The following ATMIN variants were observed in gnomAD, a reference collection of about 807,000 sequenced individuals.
ATMIN encodes ATM interactor.
ATMIN carries 24 observed loss-of-function variants against 49.2 expected under a neutral mutation model. That is an observed-to-expected ratio of 0.49 (90% CI 0.35 to 0.69). ATMIN has a LOEUF of 0.69. Among genes scored for constraint, ATMIN ranks in the 30% least tolerant of loss-of-function variants. The probability of loss-of-function intolerance (pLI) is 0.00; values close to 1 mark genes in which losing one functional copy is unlikely to be tolerated. For missense variants in ATMIN, 1,037 were observed against 1,005.5 expected (o/e 1.03, Z -0.42); for synonymous variants, 450 against 392.5 (o/e 1.15, Z -1.73).
At chr16:81,040,605 G>A (rs1007060852) in intron 1 of ATMIN, 1 of 152,128 alleles carries the variant, frequency 6.6e-6, no homozygotes, top group African/African-American at 2.4e-5. Context: ...GTAAAGGTGT[G>A]GGGGGCATTA....
Position 81,041,491 on chromosome 16 carries a change from ACTCTG to A in ATMIN, c.462+11_462+15del, listed in dbSNP as rs1357564349. Reference sequence around the variant, plus strand: ...TTCTCTCGTAAAACAGGTACTCTCTACTCTGAGGATGAGATACAGATGCTAAAAAC... The same window carrying A: ...TTCTCTCGTAAAACAGGTACTCTCTAAGGATGAGATACAGATGCTAAAAAC... On this transcript the variant is annotated intron_variant, in intron 2 of 3. Coordinates refer to ENST00000299575, the MANE Select transcript of ATMIN (RefSeq NM_015251.3). 1 of 1,595,670 alleles carries A rather than the reference ACTCTG, an allele frequency of 6.3e-7. No individual in the cohort carries two copies. The highest frequency in any genetic ancestry group is 1.9e-5 in the Admixed American group (1 of 53,670).
At position 81,036,091 on chromosome 16, in the gene ATMIN, G is replaced by T; in HGVS notation, c.221G>T (p.Ser74Ile). The change falls in exon 1 of 4, where the codon AGC becomes ATC. Residue 74 changes from serine (S) to isoleucine (I), a missense_variant. Ser to Ile is a moderately radical substitution (Grantham distance 142). Coordinates refer to ENST00000299575, the MANE Select transcript of ATMIN (RefSeq NM_015251.3). ...PAGELIQPSVSELSRAVRTNI... is the reference protein window; with the variant it reads ...PAGELIQPSVIELSRAVRTNI... ...GGGGAGCTGATCCAGCCGTCGGTGA[G>T]CGAGCTGTCCCGGGCCGTGCGGACC... is the stretch of plus-strand genomic sequence containing the variant. 7.4e-7 allele frequency: 1 copy of T among 1,357,206 alleles called. No individual in the cohort carries two copies. 84.1% of individuals were successfully genotyped at this position (1,357,206 alleles called of 1,614,324 possible). A position where few individuals can be genotyped will look rare whatever the true frequency, so the allele number is the denominator to read the frequency against.
At chr16:81,042,823 A>G (rs2151740103) in intron 3 of ATMIN, among the ~76,000 whole-genome samples, 1 of 152,322 alleles carries the variant, frequency 6.6e-6, no homozygotes, top group Admixed American at 6.5e-5. Context: ...TAAAGGTCAA[A>G]TTTTCATTTA....
chr16:81,039,429 C>T (rs1031744936), intron 1 of ATMIN, among the ~76,000 whole-genome samples: 17 of 152,284 alleles, frequency 1.1e-4, no homozygotes, highest in African/African-American at 3.8e-4. Context: ...ACCAAATCTT[C>T]CCTTCTTAAC....
intron 1 of ATMIN, among the ~76,000 whole-genome samples, chr16:81,037,669 T>TC: frequency 6.6e-6 from 1 of 152,364 alleles, no homozygotes; most frequent in Admixed American, 6.5e-5. Context: ...AGAGTCTCAC[T>TC]CCATCACCCA....
In ATMIN at chr16:81,045,113, T is replaced by C. The variant is rs1445159975; in HGVS notation, c.*143T>C. 5 of 1,141,744 alleles carry C rather than the reference T, an allele frequency of 4.4e-6. No individual in the cohort carries two copies. The highest frequency in any genetic ancestry group is 6.0e-6 in the Non-Finnish European group (5 of 826,586). The allele number at this position is 1,141,744 out of a possible 1,614,324, so 70.7% of individuals were successfully genotyped here. A position where few individuals can be genotyped will look rare whatever the true frequency, so the allele number is the denominator to read the frequency against. On this transcript the variant is annotated 3_prime_UTR_variant, in exon 4 of 4. Transcript: ENST00000299575. ...CTTCTTTGTGTTTCTTTGCCTTTTG[T>C]ACTTGTAAACAGAAATTTGCGTATA...
At position 81,043,980 on chromosome 16, in the gene ATMIN, A is replaced by G; in HGVS notation, c.1482A>G (p.Gln494=). Residue 494 remains glutamine, a synonymous_variant, in exon 4 of 4, where the codon CAA becomes CAG. Transcript: ENST00000299575. ...FQSGGVSRET[Q]TSGIESPTDD... is the part of the protein sequence containing the mutation. ...CAGGTGGGGTCTCCAGAGAAACTCA[A>G]ACCAGTGGGATAGAAAGTCCAACGG... The G allele has an allele frequency of 2.5e-6, 4 of 1,614,196 alleles. No individual in the cohort carries two copies. The highest frequency in any genetic ancestry group is 1.1e-5 in the South Asian group (1 of 91,086).
At position 81,044,689 on chromosome 16, in the gene ATMIN, G is replaced by T; in HGVS notation, c.2191G>T (p.Val731Leu). 1 of 1,614,120 alleles carries T rather than the reference G, an allele frequency of 6.2e-7. No homozygotes were observed. The highest frequency in any genetic ancestry group is 8.5e-7 in the Non-Finnish European group (1 of 1,180,040). ...TATTCTGAAACACTCCAGCTTTTCC[G>T]TGAGTACTGATTCATCTGACACAGA... ...GSILKHSSFS[V>L]STDSSDTETQ... is the part of the protein sequence containing the mutation. The change falls in exon 4 of 4, where the codon GTG (valine) becomes TTG (leucine). Residue 731 changes from valine (V) to leucine (L), a missense_variant. Transcript: ENST00000299575.
rs80348569 is a variant in ATMIN, at chr16:81,036,917, A to G, written c.336+711A>G. On this transcript the variant is annotated intron_variant, in intron 1 of 3. Coordinates refer to ENST00000299575, the MANE Select transcript of ATMIN (RefSeq NM_015251.3). ...GGTAGGTTTGCCTCTAAACACCATC[A>G]GTCAGTTTCACGGTGTTGGTAAGAT... Among the ~76,000 whole-genome samples the G allele has an allele frequency of 0.019, 2,934 of 152,316 alleles. 168 individuals are homozygous for G. The East Asian group carries it at 0.2, about 10-fold the overall frequency.
rs200740791 is a variant in ATMIN, at chr16:81,042,328, C to T, written c.510C>T (p.Cys170=). Reference sequence around the variant, plus strand: ...AGAAGAAGCACAAATGTAGTAAGTGCAGCAATTCGTACGGTACAGAATGGG... The same window carrying T: ...AGAAGAAGCACAAATGTAGTAAGTGTAGCAATTCGTACGGTACAGAATGGG... ...HAEKKHKCSK[C]SNSYGTEWDL... The change falls in exon 3 of 4, where the codon TGC becomes TGT. Residue 170 remains cysteine (C), a synonymous_variant. Coordinates refer to ENST00000299575, the MANE Select transcript of ATMIN (RefSeq NM_015251.3). 1.5e-5 allele frequency: 25 copies of T among 1,613,896 alleles called. No homozygotes were observed. The Admixed American group carries it at 2.0e-4, about 13-fold the overall frequency.
chr16:81,039,174 G>A (rs1970997978), intron 1 of ATMIN, among the ~76,000 whole-genome samples: 1 of 152,158 alleles, frequency 6.6e-6, no homozygotes, highest in East Asian at 1.9e-4. Flanking sequence ...GAGGAAGGCT[G>A]GCTGGGAAGC....
Position 81,043,260 on chromosome 16 carries a change from A to G in ATMIN, c.762A>G (p.Arg254=). ...IESLNNQPIP[R]PDTQELEASE... Reference sequence around the variant, plus strand: ...CATTGAACAACCAACCAATCCCTAGACCAGACACTCAAGAACTAGAAGCTT... The same window carrying G: ...CATTGAACAACCAACCAATCCCTAGGCCAGACACTCAAGAACTAGAAGCTT... The change falls in exon 4 of 4, where the codon AGA becomes AGG. Residue 254 remains arginine, a synonymous_variant. Coordinates refer to ENST00000299575, the MANE Select transcript of ATMIN (RefSeq NM_015251.3). 6.2e-7 allele frequency: 1 copy of G among 1,614,172 alleles called. No individual in the cohort carries two copies. The highest frequency in any genetic ancestry group is 8.5e-7 in the Non-Finnish European group (1 of 1,180,030).
At position 81,035,860 on chromosome 16, in the gene ATMIN, G is replaced by A. The variant is rs1031750485; in HGVS notation, c.-11G>A. On this transcript the variant is annotated 5_prime_UTR_variant, in exon 1 of 4. In the 5' UTR this introduces an upstream ATG that the reference lacks. Coordinates refer to ENST00000299575, the MANE Select transcript of ATMIN (RefSeq NM_015251.3). ...GGCCTACGAACTGGGCCGGGCGGCCGTGCGGGAGCCATGGCGGCCTCGGAG... is the reference window on the plus strand; with the variant it reads ...GGCCTACGAACTGGGCCGGGCGGCCATGCGGGAGCCATGGCGGCCTCGGAG... 2.2e-5 allele frequency: 19 copies of A among 856,486 alleles called. No individual in the cohort carries two copies. The highest frequency in any genetic ancestry group is 2.2e-5 in the Non-Finnish European group (16 of 713,536). The allele number at this position is 856,486 out of a possible 1,614,324, so 53.1% of individuals were successfully genotyped here.
intron 1 of ATMIN, chr16:81,037,351 T>C: frequency 1.0e-6 from 1 of 985,390 alleles, no homozygotes; most frequent in Non-Finnish European, 1.2e-6. Flanking sequence ...AACTCTGAGG[T>C]TGTAGTCTCT....
chr16:81,045,183 T>A lies in ATMIN; in HGVS notation c.*213T>A. 1.7e-6 allele frequency: 1 copy of A among 605,118 alleles called. No individual in the cohort carries two copies. 37.5% of individuals were successfully genotyped at this position (605,118 alleles called of 1,614,324 possible). ...GTTTGAGATGTTGATCTAAATTGTT[T>A]TTGTGTTGCCTACATTTGCCTTTTC... On this transcript the variant is annotated 3_prime_UTR_variant, in exon 4 of 4. Transcript: ENST00000299575.
Position 81,042,995 on chromosome 16 carries a change from A to T in ATMIN, c.663-166A>T, listed in dbSNP as rs188146115. Reference sequence around the variant, plus strand: ...ATGTTTCTCAAAGTTCACCTGCTATAATAGGACCAACTCCCAGAGTTGCGA... The same window carrying T: ...ATGTTTCTCAAAGTTCACCTGCTATTATAGGACCAACTCCCAGAGTTGCGA... On this transcript the variant is annotated intron_variant, in intron 3 of 3. Transcript: ENST00000299575. 1.9e-4 allele frequency among the ~76,000 whole-genome samples: 29 copies of T among 152,280 alleles called. No homozygotes were observed. The East Asian group carries it at 4.6e-3, about 24-fold the overall frequency.
rs1331418958 is a variant in ATMIN, at chr16:81,047,019, G to A, written c.*2049G>A. 1 of 152,550 alleles carries A rather than the reference G, an allele frequency of 6.6e-6. No homozygotes were observed. Among genetic ancestry groups the A allele is most frequent in the Non-Finnish European group, 1.5e-5 (1 of 68,032 alleles). 9.4% of individuals were successfully genotyped at this position (152,550 alleles called of 1,614,324 possible). A position where few individuals can be genotyped will look rare whatever the true frequency, so the allele number is the denominator to read the frequency against. On this transcript the variant is annotated 3_prime_UTR_variant, in exon 4 of 4. Coordinates refer to ENST00000299575, the MANE Select transcript of ATMIN (RefSeq NM_015251.3). The stretch of plus-strand genomic sequence containing the variant: ...AGCATCTATTTAAGTCCTAATAAAG[G>A]AGAAATGCATGTTTATGGCTTTTTT...
chr16:81,042,140 A>G (rs1398792531), intron 2 of ATMIN, 141 bp from the exon 3 acceptor site: 1 of 732,170 alleles, frequency 1.4e-6, no homozygotes, highest in Non-Finnish European at 2.3e-6. Flanking sequence ...CTGCTTTTAC[A>G]TTCTTTTGAC....
intron 1 of ATMIN, among the ~76,000 whole-genome samples, chr16:81,040,073 A>G (rs1971013481): frequency 6.6e-6 from 1 of 151,774 alleles, no homozygotes; most frequent in African/African-American, 2.4e-5. Context: ...CCTCTTGTAT[A>G]TTTTCTTTCT....
Sources: allele counts gnomAD v4.1 joint callset (sites outside exome capture counted in the v4.1 genomes callset), GRCh38; gene constraint gnomAD v4.1.1; transcripts MANE v1.5; gene names NCBI Gene and HGNC (gene_info 2026-07-23, HGNC 2026-07-21).